TEAD1: variants seen among roughly 807,000 people sequenced by gnomAD.
The protein encoded by TEAD1 is TEA domain transcription factor 1, also known as transcriptional enhancer factor TEF-1.
TEAD1 carries 9 observed loss-of-function variants against 54.9 expected under a neutral mutation model. That is an observed-to-expected ratio of 0.16 (90% CI 0.10 to 0.29). TEAD1 has a LOEUF of 0.29. TEAD1 is among the 10% of genes least tolerant of loss of function. The pLI, the probability that TEAD1 is intolerant of heterozygous loss-of-function variation, is 1.00. For missense variants in TEAD1, 387 were observed against 535.9 expected (o/e 0.72, Z 2.74); for synonymous variants, 200 against 187.8 (o/e 1.07, Z -0.53).
chr11:12,701,708 G>C (rs1943705914), intron 2 of TEAD1, among the ~76,000 whole-genome samples: 1 of 152,128 alleles, frequency 6.6e-6, no homozygotes, highest in Admixed American at 6.5e-5. Flanking sequence ...GACCATTCCA[G>C]TCTAAAATGG....
chr11:12,778,468 C>T (rs1945475255), intron 3 of TEAD1, among the ~76,000 whole-genome samples: 1 of 151,954 alleles, frequency 6.6e-6, no homozygotes, highest in Non-Finnish European at 1.5e-5. Flanking sequence ...GCTAATTTTT[C>T]CCTCTCTTAT....
intron 2 of TEAD1, among the ~76,000 whole-genome samples, chr11:12,717,897 T>A (rs1185606214): frequency 2.0e-5 from 3 of 152,140 alleles, no homozygotes; most frequent in Admixed American, 1.3e-4. Flanking sequence ...GGTTGTACAG[T>A]GGGGGTATTA....
chr11:12,743,674 G>A (rs1429887771), intron 2 of TEAD1, among the ~76,000 whole-genome samples: 1 of 152,192 alleles, frequency 6.6e-6, no homozygotes, highest in Admixed American at 6.5e-5. Flanking sequence ...TTAAGAAATA[G>A]TGTTGAAGTG....
At chr11:12,754,688 G>T (rs974882204) in intron 2 of TEAD1, among the ~76,000 whole-genome samples, 1 of 152,194 alleles carries the variant, frequency 6.6e-6, no homozygotes, top group Non-Finnish European at 1.5e-5. Flanking sequence ...TAGATCCTGA[G>T]AGCACTGAAT....
At chr11:12,935,673 G>A (rs903471020) in intron 12 of TEAD1, among the ~76,000 whole-genome samples, 2 of 151,894 alleles carry the variant, frequency 1.3e-5, no homozygotes, top group African/African-American at 4.8e-5. Context: ...TTGGCCAGGC[G>A]GGTCTCGAAC....
chr11:12,694,529 G>C (rs1457979136), intron 2 of TEAD1, among the ~76,000 whole-genome samples: 1 of 151,912 alleles, frequency 6.6e-6, no homozygotes, highest in Non-Finnish European at 1.5e-5. Context: ...CCCAATGTTG[G>C]GTCTGCTGTG....
At position 12,943,291 on chromosome 11, in the gene TEAD1, T is replaced by A. The variant is rs1949177338; in HGVS notation, c.*6069T>A. On this transcript the variant is annotated 3_prime_UTR_variant, in exon 13 of 13. Transcript: ENST00000527636. Reference sequence around the variant, plus strand: ...TCCCTGCCAGCACTATACCACAGTGTGGAAGAAATTAGTCAAATGCTTGTT... The same window carrying A: ...TCCCTGCCAGCACTATACCACAGTGAGGAAGAAATTAGTCAAATGCTTGTT... The A allele has an allele frequency of 6.6e-6, 1 of 152,666 alleles. No individual in the cohort carries two copies. The highest frequency in any genetic ancestry group is 1.5e-5 in the Non-Finnish European group (1 of 68,042). 9.5% of individuals were successfully genotyped at this position (152,666 alleles called of 1,614,324 possible).
chr11:12,878,854 A>C, intron 5 of TEAD1: 1 of 1,264,292 alleles, frequency 7.9e-7, no homozygotes, highest in Admixed American at 2.6e-5. Flanking sequence ...CTTTTTATGC[A>C]ATCCTTTTAA....
intron 3 of TEAD1, among the ~76,000 whole-genome samples, chr11:12,860,111 G>A (rs1331967224): frequency 2.0e-5 from 3 of 152,096 alleles, no homozygotes; most frequent in Non-Finnish European, 4.4e-5. Flanking sequence ...TAACACAGGA[G>A]GTTTAGCTTG....
chr11:12,791,948 G>C (rs1286190690), intron 3 of TEAD1, among the ~76,000 whole-genome samples: 1 of 152,130 alleles, frequency 6.6e-6, no homozygotes, highest in East Asian at 1.9e-4. Context: ...AAACCTGAAA[G>C]ATCCAGGAGT....
chr11:12,828,654 GTT>G (rs776583694), intron 3 of TEAD1, among the ~76,000 whole-genome samples: 3 of 132,380 alleles, frequency 2.3e-5, no homozygotes, highest in Non-Finnish European at 3.2e-5. Flanking sequence ...GGGAGTGTGG[GTT>G]TTTTTTTTTT....
At chr11:12,675,840 A>G (rs992393041) in intron 2 of TEAD1, among the ~76,000 whole-genome samples, 1 of 152,232 alleles carries the variant, frequency 6.6e-6, no homozygotes, top group African/African-American at 2.4e-5. Flanking sequence ...CCAGATCAGA[A>G]TTTTCTTTGC....
intron 3 of TEAD1, among the ~76,000 whole-genome samples, chr11:12,811,858 G>A (rs1028102804): frequency 6.8e-6 from 1 of 147,372 alleles, no homozygotes; most frequent in African/African-American, 2.5e-5. Flanking sequence ...GTGGGGGTGG[G>A]GGTGGGGGTA....
At chr11:12,931,561 G>GT (rs1298411248) in intron 12 of TEAD1, among the ~76,000 whole-genome samples, 4 of 152,024 alleles carry the variant, frequency 2.6e-5, no homozygotes, top group African/African-American at 4.8e-5. Context: ...GCAGTGTTCT[G>GT]TTTTTTTGTT....
intron 10 of TEAD1, among the ~76,000 whole-genome samples, chr11:12,915,321 T>C (rs1948691395): frequency 6.6e-6 from 1 of 152,116 alleles, no homozygotes; most frequent in Non-Finnish European, 1.5e-5. Context: ...AGGAGTAGCC[T>C]TCACTTCCTG....
At chr11:12,805,100 G>T (rs1306767547) in intron 3 of TEAD1, among the ~76,000 whole-genome samples, 3 of 152,194 alleles carry the variant, frequency 2.0e-5, no homozygotes, top group African/African-American at 4.8e-5. Context: ...ATAGCGAGAA[G>T]TATTGAAGCA....
intron 3 of TEAD1, among the ~76,000 whole-genome samples, chr11:12,788,139 CTTT>C (rs541990107): frequency 3.1e-5 from 4 of 129,260 alleles, no homozygotes; most frequent in Admixed American, 7.8e-5. Flanking sequence ...CTAATTTTGT[CTTT>C]TTTTTTTTTT....
At chr11:12,923,077 A>ATATATACTCCTAG (rs1317102981) in intron 10 of TEAD1, among the ~76,000 whole-genome samples, 2 of 151,934 alleles carry the variant, frequency 1.3e-5, no homozygotes, top group Admixed American at 6.6e-5. Context: ...CTCCTAGTAT[A>ATATATACTCCTAG]TATATATATA....
At chr11:12,721,062 GT>G (rs1335352351) in intron 2 of TEAD1, among the ~76,000 whole-genome samples, 1 of 152,220 alleles carries the variant, frequency 6.6e-6, no homozygotes, top group Non-Finnish European at 1.5e-5. Context: ...ACTACCCTGT[GT>G]TTAGTTAGAC....
Sources: gnomAD v4.1 joint callset for allele counts (sites outside exome capture counted in the v4.1 genomes callset) on GRCh38, gnomAD v4.1.1 for gene constraint, MANE v1.5 for transcripts, NCBI Gene and HGNC (gene_info 2026-07-23, HGNC 2026-07-21) for gene names.